Variants in PLPPR1 observed in about 807,000 individuals in gnomAD.
PLPPR1 encodes phospholipid phosphatase-related protein type 1.
PLPPR1 carries 10 observed loss-of-function variants against 33.1 expected under a neutral mutation model. The observed-to-expected ratio is 0.30, with a 90% confidence interval of 0.19 to 0.51. PLPPR1 has a LOEUF of 0.51. PLPPR1 is among the 20% of genes least tolerant of loss of function. PLPPR1 has a pLI of 0.97. For missense variants in PLPPR1, 304 were observed against 408.1 expected (o/e 0.74, Z 2.20); for synonymous variants, 151 against 151.0 (o/e 1.00, Z 0.00).
intron 3 of PLPPR1, among the ~76,000 whole-genome samples, chr9:101,280,684 A>G (rs1828282260): frequency 1.3e-5 from 2 of 152,164 alleles, no homozygotes; most frequent in Admixed American, 1.3e-4. Flanking sequence ...TATCATTTCC[A>G]TTAATGCTGA....
intron 1 of PLPPR1, among the ~76,000 whole-genome samples, chr9:101,157,263 T>C (rs1181424591): frequency 6.6e-6 from 1 of 152,204 alleles, no homozygotes; most frequent in East Asian, 1.9e-4. Flanking sequence ...TGCCAAGTGA[T>C]TGATTGGTCA....
At chr9:101,193,006 A>G (rs763060296) in intron 2 of PLPPR1, among the ~76,000 whole-genome samples, 1 of 152,166 alleles carries the variant, frequency 6.6e-6, no homozygotes, top group Non-Finnish European at 1.5e-5. Context: ...TATGGTTTCC[A>G]GCACCCTTTA....
chr9:101,209,463 C>T (rs565060123), intron 2 of PLPPR1, among the ~76,000 whole-genome samples: 1 of 152,208 alleles, frequency 6.6e-6, no homozygotes, highest in Non-Finnish European at 1.5e-5. Context: ...CCTTTAGGGT[C>T]GTTTCTTGGA....
intron 2 of PLPPR1, chr9:101,187,367 C>A (rs1444125101): frequency 1.1e-4 from 16 of 147,684 alleles, no homozygotes; most frequent in Non-Finnish European, 1.5e-5. Context: ...AGAGCTTGGC[C>A]GGTGGAGCAG....
chr9:101,235,459 CT>C (rs1212095678), intron 2 of PLPPR1, among the ~76,000 whole-genome samples: 2 of 151,948 alleles, frequency 1.3e-5, no homozygotes, highest in African/African-American at 4.8e-5. Flanking sequence ...ATATTAGTCT[CT>C]CTTTAACAAA....
At chr9:101,180,141 TATAC>T (rs1342094667) in intron 1 of PLPPR1, among the ~76,000 whole-genome samples, 139 of 28,892 alleles carry the variant, frequency 4.8e-3, no homozygotes, top group African/African-American at 7.6e-3. Context: ...TATATATATA[TATAC>T]ACACACACAC....
intron 1 of PLPPR1, among the ~76,000 whole-genome samples, chr9:101,138,261 A>G (rs527938546): frequency 6.6e-6 from 1 of 152,204 alleles, no homozygotes; most frequent in Non-Finnish European, 1.5e-5. Context: ...GGTCAGTATT[A>G]TCTACATCAT....
chr9:101,046,871 C>T (rs80319425), intron 1 of PLPPR1, among the ~76,000 whole-genome samples: 3,127 of 152,154 alleles, frequency 0.021, 113 homozygotes, highest in African/African-American at 0.072. Flanking sequence ...TTTATTTTAA[C>T]GCATTTATCT....
chr9:101,174,429 G>T (rs1825989622), intron 1 of PLPPR1, among the ~76,000 whole-genome samples: 3 of 152,140 alleles, frequency 2.0e-5, no homozygotes, highest in Admixed American at 6.5e-5. Context: ...AATGACCATG[G>T]TCTGTGACTT....
At chr9:101,317,095 T>C (rs1829068468) in intron 6 of PLPPR1, among the ~76,000 whole-genome samples, 1 of 152,236 alleles carries the variant, frequency 6.6e-6, no homozygotes, top group African/African-American at 2.4e-5. Context: ...TCACCATGTC[T>C]TTAATCATTA....
intron 4 of PLPPR1, among the ~76,000 whole-genome samples, chr9:101,307,360 T>C (rs1828876214): frequency 6.6e-6 from 1 of 152,168 alleles, no homozygotes; most frequent in African/African-American, 2.4e-5. Flanking sequence ...TTTCAGATCG[T>C]AAATCACCCT....
At chr9:101,200,872 A>C (rs1389733274) in intron 2 of PLPPR1, among the ~76,000 whole-genome samples, 1 of 152,234 alleles carries the variant, frequency 6.6e-6, no homozygotes, top group African/African-American at 2.4e-5. Flanking sequence ...ACAGAAAAAA[A>C]GTAAAGACTC....
In PLPPR1 at chr9:101,295,832, C is replaced by T. The variant is rs1172837693; in HGVS notation, c.385+9596C>T. 6.1e-4 allele frequency among the ~76,000 whole-genome samples: 92 copies of T among 151,012 alleles called. 2 individuals are homozygous for T. The highest frequency in any genetic ancestry group is 5.9e-3 in the Admixed American group (89 of 15,162). Reference sequence around the variant, plus strand: ...TGGATTAAAGACTTAAACGTTAGACCTAAAACCATAAAAACCCTAGAAGAA... The same window carrying T: ...TGGATTAAAGACTTAAACGTTAGACTTAAAACCATAAAAACCCTAGAAGAA... On this transcript the variant is annotated intron_variant, in intron 4 of 7. Coordinates refer to ENST00000374874, the MANE Select transcript of PLPPR1 (RefSeq NM_207299.2).
intron 1 of PLPPR1, among the ~76,000 whole-genome samples, chr9:101,119,542 T>C (rs373101321): frequency 1.3e-5 from 2 of 152,112 alleles, no homozygotes; most frequent in East Asian, 1.9e-4. Flanking sequence ...GAAGAACCAA[T>C]AGATTCTTCG....
intron 7 of PLPPR1, among the ~76,000 whole-genome samples, chr9:101,319,926 A>T (rs1829123541): frequency 6.6e-6 from 1 of 152,128 alleles, no homozygotes; most frequent in African/African-American, 2.4e-5. Context: ...TGCACACCTC[A>T]TCCTTCCACC....
chr9:101,075,563 C>T (rs1258280618), intron 1 of PLPPR1, among the ~76,000 whole-genome samples: 2 of 152,134 alleles, frequency 1.3e-5, no homozygotes, highest in Non-Finnish European at 2.9e-5. Flanking sequence ...TCATTTGGTG[C>T]CTAGTGAAAA....
At position 101,312,783 on chromosome 9, in the gene PLPPR1, T is replaced by G; in HGVS notation, c.637-15T>G. On this transcript the variant is annotated splice_polypyrimidine_tract_variant and intron_variant, in intron 5 of 7. Transcript: ENST00000374874. ...GCAGCTGCCTGGTCACTCCCTGGCC[T>G]CTGTCCTATTCCAGATGTATATTAC... 1.2e-6 allele frequency: 2 copies of G among 1,612,634 alleles called. No homozygotes were observed. Among genetic ancestry groups the G allele is most frequent in the Non-Finnish European group, 1.7e-6 (2 of 1,179,248 alleles).
In PLPPR1 at chr9:101,286,160, T is replaced by A; in HGVS notation, c.309T>A (p.Ile103=). ...TAAAATCAACAAGAGAATCCCTGAT[T>A]GCTCAGGAGAAAACAATTCTGACCG... is the stretch of plus-strand genomic sequence containing the variant. ...YFIKSTRESL[I]AQEKTILTGE... Residue 103 remains isoleucine (I), a synonymous_variant, in exon 4 of 8, where the codon ATT becomes ATA. Coordinates refer to ENST00000374874, the MANE Select transcript of PLPPR1 (RefSeq NM_207299.2). 6.2e-7 allele frequency: 1 copy of A among 1,611,660 alleles called. No homozygotes were observed. The highest frequency in any genetic ancestry group is 8.5e-7 in the Non-Finnish European group (1 of 1,177,784).
chr9:101,036,701 CAA>C (rs5899427), intron 1 of PLPPR1, among the ~76,000 whole-genome samples: 36,411 of 103,044 alleles, frequency 0.35, 3,457 homozygotes, highest in Admixed American at 0.41. Context: ...CTATTTCTGC[CAA>C]AAAAAAAAAA....
Sources: gnomAD v4.1 joint callset for allele counts (sites outside exome capture counted in the v4.1 genomes callset) on GRCh38, gnomAD v4.1.1 for gene constraint, MANE v1.5 for transcripts, NCBI Gene and HGNC (gene_info 2026-07-23, HGNC 2026-07-21) for gene names.